Variants in SYN2 observed in about 807,000 individuals in gnomAD.
SYN2 encodes the protein synapsin-2.
Under a neutral mutation model 50.9 loss-of-function variants are expected in SYN2, and 19 were observed. That is an observed-to-expected ratio of 0.37 (90% CI 0.26 to 0.55). SYN2 has a LOEUF of 0.55. Ranked by LOEUF, SYN2 falls within the 20% of genes least tolerant of loss-of-function variation. The pLI is 0.81. For missense variants in SYN2, 587 were observed against 576.4 expected (o/e 1.02, Z -0.19); for synonymous variants, 255 against 224.9 (o/e 1.13, Z -1.20).
At chr3:12,018,452 G>A (rs1421124720) in intron 1 of SYN2, among the ~76,000 whole-genome samples, 3 of 152,164 alleles carry the variant, frequency 2.0e-5, no homozygotes, top group Admixed American at 2.0e-4. Flanking sequence ...ATAGAGCCAG[G>A]TGGTTAGCTA....
chr3:12,039,005 T>G (rs957821429), intron 1 of SYN2, among the ~76,000 whole-genome samples: 4 of 152,168 alleles, frequency 2.6e-5, no homozygotes, highest in Non-Finnish European at 5.9e-5. Context: ...TGGGGAAAGC[T>G]TTCAGCCTTT....
chr3:12,063,022 G>A (rs1201739545), intron 1 of SYN2, among the ~76,000 whole-genome samples: 2 of 151,848 alleles, frequency 1.3e-5, no homozygotes, highest in Non-Finnish European at 1.5e-5. Context: ...ATGCCATTTT[G>A]GAAAAGGCAA....
At chr3:12,015,978 G>T (rs1325929482) in intron 1 of SYN2, among the ~76,000 whole-genome samples, 1 of 152,138 alleles carries the variant, frequency 6.6e-6, no homozygotes, top group Non-Finnish European at 1.5e-5. Context: ...ATTTAATCCT[G>T]TACAAAGAGG....
intron 1 of SYN2, among the ~76,000 whole-genome samples, chr3:12,031,933 C>T (rs2125142829): frequency 7.1e-6 from 1 of 141,034 alleles, no homozygotes; most frequent in East Asian, 2.1e-4. Context: ...ATGATGTTAG[C>T]TGGTGATTTT....
chr3:12,050,711 C>CTTTTTTTTTTTTTTTTTTTTTTTTTT lies in SYN2; in HGVS notation c.377+45793_377+45818dup, dbSNP rs57099569. ...AATAATCTCATCTTTCTTCTCTTCT[C>CTTTTTTTTTTTTTTTTTTTTTTTTTT]TTTTTTTTTTTTTTTTTTTTTTTTT... On this transcript the variant is annotated intron_variant, in intron 1 of 12. Coordinates refer to ENST00000621198, the MANE Select transcript of SYN2 (RefSeq NM_133625.6). 4.0e-5 allele frequency among the ~76,000 whole-genome samples: 2 copies of CTTTTTTTTTTTTTTTTTTTTTTTTTT among 50,576 alleles called. 1 individual carries two copies. 33.2% of individuals were successfully genotyped at this position (50,576 alleles called of 152,430 possible).
At position 12,158,921 on chromosome 3, in the gene SYN2, G is replaced by A. The variant is rs959018124; in HGVS notation, c.775-2625G>A. 15 of 1,428,880 alleles carry A rather than the reference G, an allele frequency of 1.0e-5. No individual in the cohort carries two copies. The African/African-American group carries it at 1.2e-4, about 11-fold the overall frequency. The allele number at this position is 1,428,880 out of a possible 1,614,324, so 88.5% of individuals were successfully genotyped here. A position where few individuals can be genotyped will look rare whatever the true frequency, so the allele number is the denominator to read the frequency against. On this transcript the variant is annotated intron_variant, in intron 5 of 12. Transcript: ENST00000621198. Reference sequence around the variant, plus strand: ...CAGGGCTCCTTCCCAAGGCCGTTGTGCCCCTCGCCCCAGGCTTTATGAGGT... The same window carrying A: ...CAGGGCTCCTTCCCAAGGCCGTTGTACCCCTCGCCCCAGGCTTTATGAGGT...
At chr3:12,184,874 C>T (rs183775563) in intron 11 of SYN2, 77 of 985,686 alleles carry the variant, frequency 7.8e-5, no homozygotes, top group Middle Eastern at 1.0e-3. Flanking sequence ...ATGCCAGCAG[C>T]TTGCCTTTGA....
intron 1 of SYN2, among the ~76,000 whole-genome samples, chr3:12,136,253 C>T (rs1406343747): frequency 6.6e-6 from 1 of 152,222 alleles, no homozygotes; most frequent in African/African-American, 2.4e-5. Context: ...ATTTCCAAAA[C>T]TTTCATGTCA....
intron 1 of SYN2, among the ~76,000 whole-genome samples, chr3:12,013,675 G>T (rs1185802295): frequency 1.3e-5 from 2 of 152,090 alleles, no homozygotes; most frequent in African/African-American, 4.8e-5. Flanking sequence ...TAGAACTTCT[G>T]CAAGTCTCAT....
At chr3:12,068,680 CTGAG>C (rs1328434852) in intron 1 of SYN2, among the ~76,000 whole-genome samples, 2 of 151,074 alleles carry the variant, frequency 1.3e-5, no homozygotes, top group African/African-American at 4.9e-5. Context: ...TTTTTCATTT[CTGAG>C]TTTTTTTTTC....
chr3:12,164,643 G>A (rs1361741313), intron 7 of SYN2, among the ~76,000 whole-genome samples: 1 of 152,186 alleles, frequency 6.6e-6, no homozygotes, highest in Non-Finnish European at 1.5e-5. Context: ...AATAATGTGG[G>A]TCAGCTGTGG....
At chr3:12,124,278 A>G (rs1420531352) in intron 1 of SYN2, among the ~76,000 whole-genome samples, 1 of 152,204 alleles carries the variant, frequency 6.6e-6, no homozygotes, top group African/African-American at 2.4e-5. Context: ...AACATTGCCT[A>G]ATAATATGTG....
At chr3:12,012,442 T>A (rs1261127100) in intron 1 of SYN2, among the ~76,000 whole-genome samples, 8 of 152,202 alleles carry the variant, frequency 5.3e-5, no homozygotes, top group African/African-American at 1.7e-4. Context: ...AACAAAAGCA[T>A]TCACGGATCT....
At chr3:12,036,476 C>G (rs913343248) in intron 1 of SYN2, among the ~76,000 whole-genome samples, 2 of 152,176 alleles carry the variant, frequency 1.3e-5, no homozygotes, top group African/African-American at 4.8e-5. Flanking sequence ...CTGAGCCACA[C>G]CCAGGACCAT....
intron 1 of SYN2, among the ~76,000 whole-genome samples, chr3:12,032,953 C>T (rs1291238114): frequency 3.8e-5 from 4 of 105,980 alleles, no homozygotes; most frequent in African/African-American, 1.5e-4. Flanking sequence ...GGAGGAGAGG[C>T]GCTCTGCGTT....
chr3:12,163,489 C>T (rs1198804302), intron 7 of SYN2, among the ~76,000 whole-genome samples: 1 of 151,828 alleles, frequency 6.6e-6, no homozygotes, highest in Admixed American at 6.6e-5. Flanking sequence ...TACCACCCTT[C>T]ACACACCTCT....
intron 5 of SYN2, chr3:12,158,992 G>C: frequency 5.2e-6 from 6 of 1,163,224 alleles, no homozygotes; most frequent in Non-Finnish European, 6.9e-6. Flanking sequence ...CCTTCCTTTG[G>C]CTCTAGGCCA....
chr3:12,053,895 A>AT lies in SYN2; in HGVS notation c.377+48971dup, dbSNP rs556977007. ...AACCTCAATTAAAAATTTTCATATT[A>AT]TTTTATCAGAATCCATCATATACCT... On this transcript the variant is annotated intron_variant, in intron 1 of 12. Coordinates refer to ENST00000621198, the MANE Select transcript of SYN2 (RefSeq NM_133625.6). 8.7e-4 allele frequency among the ~76,000 whole-genome samples: 132 copies of AT among 152,346 alleles called. 2 individuals are homozygous for AT. The East Asian group carries it at 0.024, about 28-fold the overall frequency.
intron 1 of SYN2, among the ~76,000 whole-genome samples, chr3:12,066,448 C>G (rs1695219135): frequency 6.6e-6 from 1 of 152,056 alleles, no homozygotes; most frequent in African/African-American, 2.4e-5. Context: ...AAAAAAGACT[C>G]AAGGTTGGGG....
Sources: gnomAD v4.1 joint callset for allele counts (sites outside exome capture counted in the v4.1 genomes callset) on GRCh38, gnomAD v4.1.1 for gene constraint, MANE v1.5 for transcripts, NCBI Gene and HGNC (gene_info 2026-07-23, HGNC 2026-07-21) for gene names.